Variants in CDH12 observed in about 807,000 individuals in gnomAD.
CDH12 encodes the protein cadherin-12.
Under a neutral mutation model 74.1 loss-of-function variants are expected in CDH12, and 41 were observed. That is an observed-to-expected ratio of 0.55 (90% CI 0.43 to 0.72). CDH12 has a LOEUF of 0.72. Ranked by LOEUF, CDH12 falls within the 30% of genes least tolerant of loss-of-function variation. The pLI, the probability that CDH12 is intolerant of heterozygous loss-of-function variation, is 0.00. For missense variants in CDH12, 945 were observed against 977.2 expected, an observed-to-expected ratio of 0.97 and a Z score of 0.44; for synonymous variants, 399 against 355.0, an observed-to-expected ratio of 1.12 and a Z score of -1.39.
intron 8 of CDH12, among the ~76,000 whole-genome samples, chr5:21,822,430 GA>G (rs1025537025): frequency 4.0e-5 from 6 of 151,592 alleles, no homozygotes; most frequent in African/African-American, 9.7e-5. Flanking sequence ...GATTCAGGAA[GA>G]AAAAAAATGT....
chr5:22,342,828 GTC>G (rs1239381118), intron 3 of CDH12, among the ~76,000 whole-genome samples: 2 of 123,146 alleles, frequency 1.6e-5, no homozygotes, highest in Non-Finnish European at 3.1e-5. Flanking sequence ...TTCTCTCTCT[GTC>G]TCTCTTTCTG....
At chr5:22,769,268 C>T (rs1393375388) in intron 1 of CDH12, among the ~76,000 whole-genome samples, 2 of 152,130 alleles carry the variant, frequency 1.3e-5, no homozygotes, top group Non-Finnish European at 2.9e-5. Flanking sequence ...CAGCTGCCAG[C>T]GCGGCTAGAA....
At chr5:21,962,319 A>C (rs1320695230) in intron 6 of CDH12, among the ~76,000 whole-genome samples, 1 of 152,076 alleles carries the variant, frequency 6.6e-6, no homozygotes, top group Non-Finnish European at 1.5e-5. Context: ...AATGGTTTTC[A>C]AGGTTATTTG....
At chr5:22,747,307 C>A (rs1464751676) in intron 1 of CDH12, among the ~76,000 whole-genome samples, 1 of 151,842 alleles carries the variant, frequency 6.6e-6, no homozygotes. Context: ...ATATTGTACT[C>A]ATTTGGTATG....
rs542318277 is a variant in CDH12 at position 22,561,152 on chromosome 5, A to G, written c.-522-55788T>C. Among the ~76,000 whole-genome samples, 5 of 152,244 alleles carry G rather than the reference A, an allele frequency of 3.3e-5. No homozygotes were observed. In the South Asian group the frequency reaches 1.0e-3, roughly 32 times the overall value. On this transcript the variant is annotated intron_variant, in intron 1 of 14. Transcript: ENST00000382254. ...AACTATTATTTTGTCAATATTTTCT[A>G]CAATGTTTTTGGGTTTCAAAGTGAC...
At chr5:22,414,273 A>C (rs1182220000) in intron 2 of CDH12, among the ~76,000 whole-genome samples, 1 of 152,000 alleles carries the variant, frequency 6.6e-6, no homozygotes, top group East Asian at 1.9e-4. Flanking sequence ...TTTGGTTATC[A>C]GAAAGATGCA....
At chr5:22,545,385 T>A (rs1171717020) in intron 1 of CDH12, among the ~76,000 whole-genome samples, 4 of 152,182 alleles carry the variant, frequency 2.6e-5, no homozygotes, top group African/African-American at 7.2e-5. Flanking sequence ...CTTCAAGCCA[T>A]GAAATTGTTT....
In CDH12 at chr5:21,811,808, T is replaced by A. The variant is rs144237044; in HGVS notation, c.1002+5137A>T. On this transcript the variant is annotated intron_variant, in intron 9 of 14. Coordinates refer to ENST00000382254, the MANE Select transcript of CDH12 (RefSeq NM_004061.5). ...TGTTTTGTTTTGTTTTACCAATATC[T>A]TATGCCTTGGAGCAATTTATAAAGC... Among the ~76,000 whole-genome samples the A allele has an allele frequency of 5.3e-5, 8 of 151,322 alleles. No homozygotes were observed. In the East Asian group the frequency reaches 1.6e-3, roughly 29 times the overall value.
intron 5 of CDH12, among the ~76,000 whole-genome samples, chr5:22,012,606 T>C (rs1394686676): frequency 2.6e-5 from 4 of 152,112 alleles, no homozygotes; most frequent in African/African-American, 9.7e-5. Flanking sequence ...TAGAGTTTAG[T>C]AGTATGAAAG....
At chr5:22,591,760 T>C (rs1232539488) in intron 1 of CDH12, among the ~76,000 whole-genome samples, 1 of 152,156 alleles carries the variant, frequency 6.6e-6, no homozygotes, top group Non-Finnish European at 1.5e-5. Context: ...ATAGATATTG[T>C]ATATTATTAT....
chr5:22,435,484 G>T (rs531281026), intron 2 of CDH12, among the ~76,000 whole-genome samples: 2 of 131,354 alleles, frequency 1.5e-5, no homozygotes, highest in South Asian at 5.0e-4. Context: ...ACATATATAT[G>T]TATGTGTATA....
At chr5:22,435,969 G>A (rs927108081) in intron 2 of CDH12, among the ~76,000 whole-genome samples, 9 of 151,482 alleles carry the variant, frequency 5.9e-5, no homozygotes, top group African/African-American at 1.5e-4. Context: ...TCTGCTCCAC[G>A]TATGTTTATT....
chr5:22,752,997 G>C (rs1745675063), intron 1 of CDH12, among the ~76,000 whole-genome samples: 1 of 152,082 alleles, frequency 6.6e-6, no homozygotes, highest in Non-Finnish European at 1.5e-5. Flanking sequence ...AAACAAAGAA[G>C]GGAATAGAGA....
intron 2 of CDH12, among the ~76,000 whole-genome samples, chr5:22,421,877 A>T (rs184622861): frequency 6.6e-6 from 1 of 152,248 alleles, no homozygotes; most frequent in Non-Finnish European, 1.5e-5. Flanking sequence ...AATGATCACC[A>T]TTCTAACTGG....
chr5:22,174,529 T>C (rs1383155696), intron 4 of CDH12, among the ~76,000 whole-genome samples: 1 of 151,912 alleles, frequency 6.6e-6, no homozygotes. Flanking sequence ...TAGTGAAAAA[T>C]CAGGCAGAAA....
chr5:22,501,055 A>C (rs1747311719), intron 2 of CDH12, among the ~76,000 whole-genome samples: 2 of 152,176 alleles, frequency 1.3e-5, no homozygotes, highest in African/African-American at 4.8e-5. Flanking sequence ...GCAGCATGAA[A>C]TATAACAAGG....
At chr5:22,192,949 A>G (rs1270551385) in intron 4 of CDH12, among the ~76,000 whole-genome samples, 3 of 152,198 alleles carry the variant, frequency 2.0e-5, no homozygotes, top group Non-Finnish European at 2.9e-5. Context: ...AAAGAGGTGC[A>G]GTAGGTATGC....
intron 5 of CDH12, among the ~76,000 whole-genome samples, chr5:21,977,238 A>G (rs866392103): frequency 2.0e-5 from 3 of 152,234 alleles, no homozygotes; most frequent in African/African-American, 2.4e-5. Context: ...ATTGTTATGA[A>G]TGATAGGAGG....
In CDH12 at chr5:22,390,579, T is replaced by G. The variant is rs199892187; in HGVS notation, c.-333+14678A>C. ...TTGATTACATGGATGGATGGAGAGATAGATAGATAGATAGATAGATAGATA... is the reference window on the plus strand; with the variant it reads ...TTGATTACATGGATGGATGGAGAGAGAGATAGATAGATAGATAGATAGATA... On this transcript the variant is annotated intron_variant, in intron 3 of 14. Coordinates refer to ENST00000382254, the MANE Select transcript of CDH12 (RefSeq NM_004061.5). Among the ~76,000 whole-genome samples, 23 of 38,976 alleles carry G rather than the reference T, an allele frequency of 5.9e-4. 1 individual carries two copies. The highest frequency in any genetic ancestry group is 5.3e-3 in the Admixed American group (21 of 3,940). The allele number at this position is 38,976 out of a possible 152,430, so 25.6% of individuals were successfully genotyped here. A position where few individuals can be genotyped will look rare whatever the true frequency, so the allele number is the denominator to read the frequency against.
Sources: gnomAD v4.1 joint callset for allele counts (sites outside exome capture counted in the v4.1 genomes callset) on GRCh38, gnomAD v4.1.1 for gene constraint, MANE v1.5 for transcripts, NCBI Gene and HGNC (gene_info 2026-07-23, HGNC 2026-07-21) for gene names.